ADAM23: variants seen among roughly 807,000 people sequenced by gnomAD.
ADAM23 encodes the protein disintegrin and metalloproteinase domain-containing protein 23.
ADAM23 carries 33 observed loss-of-function variants against 120.1 expected under a neutral mutation model. The ratio of observed to expected loss-of-function variants is 0.27; its 90% CI spans 0.21 to 0.37. The LOEUF is 0.37. ADAM23 is among the 10% of genes least tolerant of loss of function. ADAM23 has a pLI of 1.00. For missense variants in ADAM23, 862 were observed against 1,058.2 expected (o/e 0.81, Z 2.57); for synonymous variants, 367 against 375.2 (o/e 0.98, Z 0.25).
intron 3 of ADAM23, among the ~76,000 whole-genome samples, chr2:206,494,967 C>G (rs373773417): frequency 6.6e-6 from 1 of 152,016 alleles, no homozygotes. Context: ...TAAAAAGAAA[C>G]GAACAAAGCC....
chr2:206,491,806 C>G (rs1696140070), intron 3 of ADAM23, among the ~76,000 whole-genome samples: 1 of 152,172 alleles, frequency 6.6e-6, no homozygotes, highest in South Asian at 2.1e-4. Context: ...GGAATTATCC[C>G]TTGACGCCTG....
At chr2:206,551,575 G>A (rs1022003782) in intron 9 of ADAM23, among the ~76,000 whole-genome samples, 1 of 152,134 alleles carries the variant, frequency 6.6e-6, no homozygotes, top group African/African-American at 2.4e-5. Context: ...TTATCTTTAA[G>A]TCTTTGTTTT....
chr2:206,457,954 T>C (rs975062587), intron 2 of ADAM23, among the ~76,000 whole-genome samples: 3 of 152,228 alleles, frequency 2.0e-5, no homozygotes, highest in African/African-American at 7.2e-5. Flanking sequence ...GCATGTGAAA[T>C]GCAGTATAGC....
At position 206,497,199 on chromosome 2, in the gene ADAM23, A is replaced by G. The variant is rs567021360; in HGVS notation, c.509+15891A>G. Reference sequence around the variant, plus strand: ...CCAAAGCCTGGCAGAGACACAACGAAAAAAGAGAATTTTAGACCAATATCC... The same window carrying G: ...CCAAAGCCTGGCAGAGACACAACGAGAAAAGAGAATTTTAGACCAATATCC... On this transcript the variant is annotated intron_variant, in intron 3 of 25. Transcript: ENST00000264377. Among the ~76,000 whole-genome samples, 60 of 152,298 alleles carry G rather than the reference A, an allele frequency of 3.9e-4. No homozygotes were observed. In the East Asian group the frequency reaches 6.6e-3, roughly 17 times the overall value.
chr2:206,596,659 G>A (rs1559282457), intron 24 of ADAM23, among the ~76,000 whole-genome samples: 1 of 152,180 alleles, frequency 6.6e-6, no homozygotes, highest in Non-Finnish European at 1.5e-5. Context: ...GAAAATGTGA[G>A]AGATCTGGAC....
rs13384914 is a variant in ADAM23 at position 206,505,492 on chromosome 2, G to T, written c.509+24184G>T. Among the ~76,000 whole-genome samples, 579 of 152,252 alleles carry T rather than the reference G, an allele frequency of 3.8e-3. 3 individuals carry two copies. Among genetic ancestry groups the T allele is most frequent in the African/African-American group, 0.013 (555 of 41,544 alleles). ...TGCAGGCTCTACAGGAAGCATGGCT[G>T]GGGAGGCCTCAGGAAACTTACAGTC... On this transcript the variant is annotated intron_variant, in intron 3 of 25. Coordinates refer to ENST00000264377, the MANE Select transcript of ADAM23 (RefSeq NM_003812.4).
intron 9 of ADAM23, among the ~76,000 whole-genome samples, chr2:206,554,336 T>G (rs1697595400): frequency 6.6e-6 from 1 of 152,178 alleles, no homozygotes; most frequent in African/African-American, 2.4e-5. Flanking sequence ...TCTGCAAACA[T>G]GTCTTTGAGC....
At chr2:206,616,390 A>G (rs898045625) in intron 25 of ADAM23, among the ~76,000 whole-genome samples, 1 of 152,228 alleles carries the variant, frequency 6.6e-6, no homozygotes, top group African/African-American at 2.4e-5. Flanking sequence ...TAGGCCAATG[A>G]GTCACACACT....
intron 9 of ADAM23, among the ~76,000 whole-genome samples, chr2:206,555,124 G>A (rs1034625459): frequency 2.0e-5 from 3 of 151,992 alleles, no homozygotes; most frequent in African/African-American, 4.8e-5. Flanking sequence ...CTTTAAACTC[G>A]TTATTCCCTA....
At chr2:206,488,662 A>G (rs1458121624) in intron 3 of ADAM23, among the ~76,000 whole-genome samples, 1 of 152,168 alleles carries the variant, frequency 6.6e-6, no homozygotes, top group East Asian at 1.9e-4. Flanking sequence ...GTAACACTTT[A>G]CTACCTCCTC....
intron 3 of ADAM23, among the ~76,000 whole-genome samples, chr2:206,520,485 T>G (rs1696820495): frequency 6.6e-6 from 1 of 152,222 alleles, no homozygotes; most frequent in Non-Finnish European, 1.5e-5. Context: ...CAACATTTAG[T>G]TAAAAACCTT....
At chr2:206,501,415 G>A (rs950900557) in intron 3 of ADAM23, among the ~76,000 whole-genome samples, 3 of 151,896 alleles carry the variant, frequency 2.0e-5, no homozygotes, top group Admixed American at 1.3e-4. Flanking sequence ...CTCACTCATG[G>A]AGACTGAGCA....
intron 8 of ADAM23, 23 bp downstream of exon 8, chr2:206,548,377 G>A: frequency 1.2e-6 from 2 of 1,601,358 alleles, no homozygotes; most frequent in African/African-American, 1.3e-5. Context: ...TTGAGCCTTG[G>A]GTGGGCCTAT....
In ADAM23 at chr2:206,560,204, G is replaced by A. The variant is rs1301311964; in HGVS notation, c.1169+86G>A. 2.9e-6 allele frequency: 4 copies of A among 1,378,358 alleles called. 1 individual carries two copies. The highest frequency in any genetic ancestry group is 3.9e-6 in the Non-Finnish European group (4 of 1,023,910). 85.4% of individuals were successfully genotyped at this position (1,378,358 alleles called of 1,614,324 possible). On this transcript the variant is annotated intron_variant, in intron 11 of 25. Transcript: ENST00000264377. The stretch of plus-strand genomic sequence containing the variant: ...TTTGGTTCAGTTAAGTTAAATATCA[G>A]AAAATAGTGACTTGAACAAGATTTC...
chr2:206,483,161 C>T (rs1031127083), intron 3 of ADAM23, among the ~76,000 whole-genome samples: 2 of 152,184 alleles, frequency 1.3e-5, no homozygotes, highest in Non-Finnish European at 2.9e-5. Flanking sequence ...TTCAATAAAT[C>T]TGCAGTTGAT....
chr2:206,573,247 T>C, intron 18 of ADAM23, 52 bp downstream of exon 18: 2 of 1,543,438 alleles, frequency 1.3e-6, no homozygotes, highest in Non-Finnish European at 1.8e-6. Context: ...AGGTTGAGTA[T>C]TCCTTACCAC....
intron 18 of ADAM23, among the ~76,000 whole-genome samples, chr2:206,577,884 G>T (rs1040426273): frequency 2.0e-5 from 3 of 151,438 alleles, no homozygotes; most frequent in African/African-American, 7.3e-5. Flanking sequence ...CACCAACAGT[G>T]TAAAAGTGTT....
In ADAM23 at chr2:206,445,988, A is replaced by AC. The variant is rs1351511953; in HGVS notation, c.432+464_432+465insC. On this transcript the variant is annotated intron_variant, in intron 2 of 25. Transcript: ENST00000264377. ...CTTTCCACTTAGAAATTGAGTGTTT[A>AC]AACAGTCTGTTTCTTTAATTGATCA... Among the ~76,000 whole-genome samples, 8 of 152,324 alleles carry AC rather than the reference A, an allele frequency of 5.3e-5. No homozygotes were observed. In the South Asian group the frequency reaches 1.2e-3, roughly 24 times the overall value.
intron 18 of ADAM23, among the ~76,000 whole-genome samples, chr2:206,577,801 T>C (rs920056157): frequency 1.3e-4 from 20 of 151,952 alleles, no homozygotes; most frequent in Non-Finnish European, 2.5e-4. Flanking sequence ...CTTGGTCAAA[T>C]GGTATTTCTA....
Sources: allele counts gnomAD v4.1 joint callset (sites outside exome capture counted in the v4.1 genomes callset), GRCh38; gene constraint gnomAD v4.1.1; transcripts MANE v1.5; gene names NCBI Gene and HGNC (gene_info 2026-07-23, HGNC 2026-07-21).